Variants in LYZL4 observed in about 807,000 individuals in gnomAD.
The protein encoded by LYZL4 is lysozyme-like protein 4.
LYZL4 carries 13 observed loss-of-function variants against 17.6 expected under a neutral mutation model. The observed-to-expected ratio is 0.74, with a 90% CI of 0.48 to 1.18. The LOEUF is 1.18. Among genes scored for constraint, LYZL4 ranks in the 50% most tolerant of loss-of-function variants. The pLI, the probability that LYZL4 is intolerant of heterozygous loss-of-function variation, is 0.00. For missense variants in LYZL4, 174 were observed against 188.2 expected, an observed-to-expected ratio of 0.92 and a Z score of 0.44; for synonymous variants, 64 against 67.7, an observed-to-expected ratio of 0.95 and a Z score of 0.27.
the LYZL4 span, among the ~76,000 whole-genome samples, chr3:42,369,397 T>G: frequency 6.6e-6 from 1 of 152,270 alleles, no homozygotes; most frequent in African/African-American, 2.4e-5. Context: ...TTCAGATCTC[T>G]TTGGTTCATT....
At chr3:42,409,687 A>G (rs999023789) in intron 1 of LYZL4, among the ~76,000 whole-genome samples, 8 of 152,154 alleles carry the variant, frequency 5.3e-5, no homozygotes, top group African/African-American at 1.9e-4. Context: ...CTCCTCTACT[A>G]CATACTCCTC....
At chr3:42,362,676 C>T in the LYZL4 span, among the ~76,000 whole-genome samples, 2 of 152,178 alleles carry the variant, frequency 1.3e-5, no homozygotes, top group Non-Finnish European at 2.9e-5. Context: ...TAATCATCTC[C>T]CAAAGGCCCC....
the LYZL4 span, among the ~76,000 whole-genome samples, chr3:42,362,194 A>T: frequency 6.6e-6 from 1 of 152,244 alleles, no homozygotes; most frequent in South Asian, 2.1e-4. Context: ...CCAAGTCCTT[A>T]TTCTGAAAAT....
intron 4 of LYZL4, among the ~76,000 whole-genome samples, chr3:42,399,934 G>A (rs571284049): frequency 1.5e-5 from 2 of 136,428 alleles, no homozygotes; most frequent in African/African-American, 7.2e-5. Flanking sequence ...GCCATTAAGA[G>A]TAATGGCAAA....
At chr3:42,371,284 A>G in the LYZL4 span, among the ~76,000 whole-genome samples, 1 of 152,252 alleles carries the variant, frequency 6.6e-6, no homozygotes, top group South Asian at 2.1e-4. Context: ...GAAATCCCAA[A>G]TCTTTTTCAA....
At chr3:42,380,800 G>A in the LYZL4 span, among the ~76,000 whole-genome samples, 1 of 152,178 alleles carries the variant, frequency 6.6e-6, no homozygotes, top group Admixed American at 6.5e-5. Context: ...CACTTCCATG[G>A]GGGAAGTGTG....
At chr3:42,391,817 G>T in the LYZL4 span, among the ~76,000 whole-genome samples, 1 of 151,898 alleles carries the variant, frequency 6.6e-6, no homozygotes, top group Admixed American at 6.6e-5. Flanking sequence ...ATGTTTTTTT[G>T]ATGGTGTAAG....
the LYZL4 span, among the ~76,000 whole-genome samples, chr3:42,376,387 A>G: frequency 2.6e-5 from 4 of 152,142 alleles, no homozygotes; most frequent in African/African-American, 9.7e-5. Flanking sequence ...CTTCATTGCC[A>G]GTTCCTGGGT....
At chr3:42,372,057 G>A in the LYZL4 span, among the ~76,000 whole-genome samples, 6 of 152,190 alleles carry the variant, frequency 3.9e-5, no homozygotes, top group Non-Finnish European at 4.4e-5. Flanking sequence ...AGCACAATTG[G>A]TTCCTGAACT....
chr3:42,364,301 C>CT, the LYZL4 span, among the ~76,000 whole-genome samples: 1 of 150,926 alleles, frequency 6.6e-6, no homozygotes, highest in South Asian at 2.1e-4. Flanking sequence ...TATCTGGCCC[C>CT]TTTTGTTTCA....
the LYZL4 span, among the ~76,000 whole-genome samples, chr3:42,388,854 C>T: frequency 6.6e-6 from 1 of 152,072 alleles, no homozygotes; most frequent in Non-Finnish European, 1.5e-5. Flanking sequence ...GTGATGACAG[C>T]TGCCCTGACT....
chr3:42,375,426 A>G, the LYZL4 span, among the ~76,000 whole-genome samples: 13 of 152,232 alleles, frequency 8.5e-5, no homozygotes, highest in South Asian at 4.1e-4. Flanking sequence ...TGCCCAGTAC[A>G]CTGGGAGCCA....
the LYZL4 span, among the ~76,000 whole-genome samples, chr3:42,377,092 G>A: frequency 6.6e-6 from 1 of 152,184 alleles, no homozygotes; most frequent in Non-Finnish European, 1.5e-5. Flanking sequence ...ATGAGATGGG[G>A]CAAAGGGCTG....
the LYZL4 span, among the ~76,000 whole-genome samples, chr3:42,383,439 C>CAA: frequency 6.5e-4 from 71 of 108,900 alleles, no homozygotes; most frequent in Admixed American, 1.1e-3. Context: ...TGATTTCCAC[C>CAA]AAAAAAAAAA....
the LYZL4 span, among the ~76,000 whole-genome samples, chr3:42,388,046 C>T: frequency 3.3e-5 from 5 of 152,196 alleles, no homozygotes; most frequent in Admixed American, 3.3e-4. Context: ...GAGCGATTCT[C>T]ACAGCTCCAT....
the LYZL4 span, among the ~76,000 whole-genome samples, chr3:42,387,936 G>C: frequency 6.6e-6 from 1 of 152,084 alleles, no homozygotes; most frequent in Non-Finnish European, 1.5e-5. Context: ...TTTCCCACCT[G>C]TCAGCCAAGC....
At position 42,404,684 on chromosome 3, in the gene LYZL4, A is replaced by G. The variant is rs191331793; in HGVS notation, c.293-560T>C. Among the ~76,000 whole-genome samples, 512 of 152,242 alleles carry G rather than the reference A, an allele frequency of 3.4e-3. 3 individuals carry two copies. The highest frequency in any genetic ancestry group is 0.012 in the African/African-American group (481 of 41,550). On this transcript the variant is annotated intron_variant, in intron 3 of 4. Coordinates refer to ENST00000287748, the MANE Select transcript of LYZL4 (RefSeq NM_144634.4). ...AGATAGATAGATGATAGGTAGATAGATTTATAGATAGATATCTATATTTAT... is the reference window on the plus strand; with the variant it reads ...AGATAGATAGATGATAGGTAGATAGGTTTATAGATAGATATCTATATTTAT...
chr3:42,393,713 G>A (rs1030067274), downstream of LYZL4, among the ~76,000 whole-genome samples: 3 of 152,156 alleles, frequency 2.0e-5, no homozygotes, highest in African/African-American at 4.8e-5. Context: ...AGATTCCCTG[G>A]ACCACATCTC....
the LYZL4 span, among the ~76,000 whole-genome samples, chr3:42,381,590 G>A: frequency 2.1e-4 from 32 of 152,142 alleles, no homozygotes; most frequent in Non-Finnish European, 3.5e-4. Context: ...ATTTACCACC[G>A]AGGTAATAAA....
Sources: gnomAD v4.1 joint callset for allele counts (sites outside exome capture counted in the v4.1 genomes callset) on GRCh38, gnomAD v4.1.1 for gene constraint, MANE v1.5 for transcripts, NCBI Gene and HGNC (gene_info 2026-07-23, HGNC 2026-07-21) for gene names.